The following NKAIN2 variants were observed in gnomAD, a reference collection of about 807,000 sequenced individuals.
NKAIN2 encodes the protein sodium/potassium transporting ATPase interacting 2.
A neutral mutation model predicts 32.6 loss-of-function variants in NKAIN2; 14 were observed. The ratio of observed to expected loss-of-function variants is 0.43; its 90% CI spans 0.28 to 0.67. The LOEUF is 0.67. Among genes scored for constraint, NKAIN2 ranks in the 30% least tolerant of loss-of-function variants. NKAIN2 has a pLI of 0.17. For missense variants in NKAIN2, 198 were observed against 258.3 expected (o/e 0.77, Z 1.60); for synonymous variants, 80 against 87.2 (o/e 0.92, Z 0.46).
At chr6:124,580,244 G>A (rs573255916) in intron 3 of NKAIN2, among the ~76,000 whole-genome samples, 1 of 152,210 alleles carries the variant, frequency 6.6e-6, no homozygotes, top group Admixed American at 6.5e-5. Context: ...ATCTTGAGTA[G>A]AAAGACTATA....
chr6:124,291,976 T>C (rs961324887), intron 2 of NKAIN2, among the ~76,000 whole-genome samples: 6 of 152,158 alleles, frequency 3.9e-5, no homozygotes, highest in Non-Finnish European at 7.4e-5. Context: ...TCCCTACACC[T>C]TCAATTCTGG....
chr6:124,092,166 A>T (rs2114930001), intron 1 of NKAIN2, among the ~76,000 whole-genome samples: 1 of 152,196 alleles, frequency 6.6e-6, no homozygotes, highest in East Asian at 1.9e-4. Context: ...CACAGCACCA[A>T]GTGCATCCAA....
At chr6:123,867,737 C>T (rs1013294986) in intron 1 of NKAIN2, among the ~76,000 whole-genome samples, 7 of 152,152 alleles carry the variant, frequency 4.6e-5, no homozygotes, top group Non-Finnish European at 1.0e-4. Context: ...AACATTTCCT[C>T]TTCTCTGAAT....
chr6:124,743,543 C>T (rs1777319604), intron 4 of NKAIN2, among the ~76,000 whole-genome samples: 1 of 151,802 alleles, frequency 6.6e-6, no homozygotes. Context: ...TTTCCTCTGG[C>T]AAACTTGAAT....
chr6:124,452,731 T>C (rs1345862108), intron 3 of NKAIN2, among the ~76,000 whole-genome samples: 1 of 152,130 alleles, frequency 6.6e-6, no homozygotes, highest in Non-Finnish European at 1.5e-5. Flanking sequence ...AAAGCTATGC[T>C]AGGATTAAAA....
chr6:123,916,847 T>C (rs2114477837), intron 1 of NKAIN2, among the ~76,000 whole-genome samples: 1 of 116,008 alleles, frequency 8.6e-6, no homozygotes, highest in African/African-American at 3.4e-5. Flanking sequence ...CTATCCTACC[T>C]ACCTACCTAT....
chr6:124,212,536 C>A (rs536550455), intron 1 of NKAIN2, among the ~76,000 whole-genome samples: 8 of 151,932 alleles, frequency 5.3e-5, no homozygotes, highest in South Asian at 2.1e-4. Flanking sequence ...CCTGTATGGA[C>A]CTGTTCAGTA....
At chr6:124,009,643 A>G (rs1780232447) in intron 1 of NKAIN2, among the ~76,000 whole-genome samples, 1 of 152,168 alleles carries the variant, frequency 6.6e-6, no homozygotes, top group Admixed American at 6.5e-5. Flanking sequence ...CTGAAAACAG[A>G]AATCAGTTTC....
At chr6:124,705,169 G>C (rs1177643489) in intron 4 of NKAIN2, among the ~76,000 whole-genome samples, 1 of 152,046 alleles carries the variant, frequency 6.6e-6, no homozygotes, top group Admixed American at 6.6e-5. Context: ...GAATAACTAA[G>C]TAGATAAATG....
intron 1 of NKAIN2, among the ~76,000 whole-genome samples, chr6:123,958,250 A>AT (rs1777688995): frequency 6.6e-6 from 1 of 151,874 alleles, no homozygotes; most frequent in Non-Finnish European, 1.5e-5. Context: ...AAAAAAAAAA[A>AT]TTGCAAATCA....
At chr6:124,442,400 T>C (rs1775727990) in intron 3 of NKAIN2, among the ~76,000 whole-genome samples, 1 of 152,058 alleles carries the variant, frequency 6.6e-6, no homozygotes, top group Non-Finnish European at 1.5e-5. Context: ...AGTAAGCTGA[T>C]TGATGCATGG....
Position 124,718,737 on chromosome 6 carries a change from T to G in NKAIN2, c.474+60351T>G, listed in dbSNP as rs557191707. 7.9e-5 allele frequency among the ~76,000 whole-genome samples: 12 copies of G among 152,082 alleles called. No individual in the cohort carries two copies. The East Asian group carries it at 2.3e-3, about 29-fold the overall frequency. ...CTCGGTTTTTTTCATTTGCAACATG[T>G]GCTGGCAGAAAGTTAAGTGCTTGAA... On this transcript the variant is annotated intron_variant, in intron 4 of 6. Transcript: ENST00000368417.
At chr6:124,534,709 G>C (rs1026222646) in intron 3 of NKAIN2, among the ~76,000 whole-genome samples, 1 of 152,004 alleles carries the variant, frequency 6.6e-6, no homozygotes, top group Non-Finnish European at 1.5e-5. Flanking sequence ...TCCTTAGCTT[G>C]TTTCATTTGG....
chr6:124,290,340 A>G (rs1308038071), intron 2 of NKAIN2, among the ~76,000 whole-genome samples: 1 of 152,160 alleles, frequency 6.6e-6, no homozygotes, highest in Non-Finnish European at 1.5e-5. Flanking sequence ...GAAAAGATAT[A>G]TTGTGATATG....
chr6:124,779,932 G>T (rs994032864), intron 4 of NKAIN2, among the ~76,000 whole-genome samples: 2 of 151,502 alleles, frequency 1.3e-5, no homozygotes, highest in South Asian at 2.1e-4. Context: ...CTAAATTTTG[G>T]TTTGGTGTGT....
intron 1 of NKAIN2, among the ~76,000 whole-genome samples, chr6:124,237,129 A>G (rs1792813858): frequency 6.6e-6 from 1 of 152,178 alleles, no homozygotes; most frequent in South Asian, 2.1e-4. Flanking sequence ...GTGAACTCTG[A>G]CAATACCGAC....
rs533603763 is a variant in NKAIN2, at chr6:124,258,614, A to G, written c.55-24391A>G. Reference sequence around the variant, plus strand: ...TTTGGAACCAGTCAGGCCTTCAGACAAGTTACTTAACCTCTCTGGGCACTA... The same window carrying G: ...TTTGGAACCAGTCAGGCCTTCAGACGAGTTACTTAACCTCTCTGGGCACTA... On this transcript the variant is annotated intron_variant, in intron 1 of 6. Transcript: ENST00000368417. 3.9e-5 allele frequency among the ~76,000 whole-genome samples: 6 copies of G among 152,324 alleles called. No individual in the cohort carries two copies. The East Asian group carries it at 9.7e-4, about 25-fold the overall frequency.
intron 3 of NKAIN2, among the ~76,000 whole-genome samples, chr6:124,385,551 G>A (rs1301071094): frequency 6.6e-6 from 1 of 152,054 alleles, no homozygotes; most frequent in East Asian, 1.9e-4. Flanking sequence ...CTGGAAATTT[G>A]AATTTTTAAT....
At chr6:124,052,200 G>A (rs1423758709) in intron 1 of NKAIN2, among the ~76,000 whole-genome samples, 1 of 151,996 alleles carries the variant, frequency 6.6e-6, no homozygotes, top group Non-Finnish European at 1.5e-5. Flanking sequence ...AAGAATCTGA[G>A]GCTCAAATAA....
Sources: gnomAD v4.1 joint callset for allele counts (sites outside exome capture counted in the v4.1 genomes callset) on GRCh38, gnomAD v4.1.1 for gene constraint, MANE v1.5 for transcripts, NCBI Gene and HGNC (gene_info 2026-07-23, HGNC 2026-07-21) for gene names.